The following ZHX3 variants were observed in gnomAD, a reference collection of about 807,000 sequenced individuals.
The protein encoded by ZHX3 is zinc fingers and homeoboxes protein 3.
ZHX3 carries 20 observed loss-of-function variants against 64.5 expected under a neutral mutation model. That is an observed-to-expected ratio of 0.31 (90% CI 0.22 to 0.45). ZHX3 has a LOEUF of 0.45. Ranked by LOEUF, ZHX3 falls within the 20% of genes least tolerant of loss-of-function variation. The probability of loss-of-function intolerance (pLI) is 1.00; values close to 1 mark genes in which losing one functional copy is unlikely to be tolerated. For missense variants in ZHX3, 1,041 were observed against 1,195.8 expected (o/e 0.87, Z 1.91); for synonymous variants, 423 against 461.6 (o/e 0.92, Z 1.07).
chr20:41,288,115 C>T (rs1160490490), intron 1 of ZHX3, among the ~76,000 whole-genome samples: 2 of 152,198 alleles, frequency 1.3e-5, no homozygotes, highest in African/African-American at 2.4e-5. Context: ...CAACCTCCAC[C>T]TTCTGGGCTC....
intron 2 of ZHX3, among the ~76,000 whole-genome samples, chr20:41,241,288 C>T (rs752697035): frequency 4.3e-4 from 65 of 152,098 alleles, no homozygotes; most frequent in Non-Finnish European, 6.8e-4. Context: ...TTCCTATGCC[C>T]GTTTGCCATT....
At chr20:41,265,607 T>TA (rs1193383660) in intron 2 of ZHX3, among the ~76,000 whole-genome samples, 2 of 152,124 alleles carry the variant, frequency 1.3e-5, no homozygotes, top group Non-Finnish European at 2.9e-5. Context: ...TGCAGCTTTT[T>TA]AAATGTTGAT....
intron 2 of ZHX3, among the ~76,000 whole-genome samples, chr20:41,205,891 C>T (rs1048774650): frequency 6.6e-6 from 1 of 152,230 alleles, no homozygotes; most frequent in Non-Finnish European, 1.5e-5. Flanking sequence ...TGGGAGGCAC[C>T]TCCCAGTAGG....
At chr20:41,218,552 A>T (rs946747103) in intron 2 of ZHX3, among the ~76,000 whole-genome samples, 1 of 152,156 alleles carries the variant, frequency 6.6e-6, no homozygotes, top group Non-Finnish European at 1.5e-5. Context: ...TGTATTGCTT[A>T]CTCTTATGTA....
chr20:41,251,440 A>G (rs1297643192), intron 2 of ZHX3, among the ~76,000 whole-genome samples: 1 of 152,216 alleles, frequency 6.6e-6, no homozygotes, highest in African/African-American at 2.4e-5. Flanking sequence ...AAATAATACA[A>G]AGAAATACAC....
chr20:41,186,132 T>C (rs1008332640), intron 3 of ZHX3, among the ~76,000 whole-genome samples: 2 of 152,222 alleles, frequency 1.3e-5, no homozygotes, highest in African/African-American at 4.8e-5. Context: ...ACAGAAATTA[T>C]ATATCCATTA....
intron 3 of ZHX3, among the ~76,000 whole-genome samples, chr20:41,192,021 G>A (rs1318913269): frequency 6.6e-6 from 1 of 152,150 alleles, no homozygotes; most frequent in Non-Finnish European, 1.5e-5. Flanking sequence ...CAGTTCCCAG[G>A]CATGTGATCA....
Position 41,192,067 on chromosome 20 carries a change from G to C in ZHX3, c.2861-6866C>G, listed in dbSNP as rs574671471. On this transcript the variant is annotated intron_variant, in intron 3 of 3. Transcript: ENST00000683867. The stretch of plus-strand genomic sequence containing the variant: ...CCCCTGGGCAGCTGGCGTGGCATGG[G>C]AGATGGCAGTGACAGTGTTGAAATG... Among the ~76,000 whole-genome samples, 3 of 152,304 alleles carry C rather than the reference G, an allele frequency of 2.0e-5. No homozygotes were observed. The South Asian group carries it at 6.2e-4, about 32-fold the overall frequency.
chr20:41,316,269 G>C (rs562383144), intron 1 of ZHX3, among the ~76,000 whole-genome samples: 4 of 152,092 alleles, frequency 2.6e-5, no homozygotes, highest in Non-Finnish European at 5.9e-5. Flanking sequence ...CATTTTCTAT[G>C]TGTCTTTGAT....
At position 41,201,274 on chromosome 20, in the gene ZHX3, C is replaced by T. The variant is rs1038947581; in HGVS notation, c.2860+783G>A. On this transcript the variant is annotated intron_variant, in intron 3 of 3. Coordinates refer to ENST00000683867, the MANE Select transcript of ZHX3 (RefSeq NM_001384317.1). This position sits in a 1 kb window ranked among gnomAD's most constrained non-coding sequence, Gnocchi z 5.0. ...TTCAGCTTCTACAATACTCCGCCCT[C>T]CTGGCTCTCACCTGAGCTTCTGGCT... is the stretch of plus-strand genomic sequence containing the variant. 8.5e-6 allele frequency: 11 copies of T among 1,297,222 alleles called. No individual in the cohort carries two copies. Among genetic ancestry groups the T allele is most frequent in the Non-Finnish European group, 1.0e-5 (10 of 986,702 alleles). The allele number at this position is 1,297,222 out of a possible 1,614,324, so 80.4% of individuals were successfully genotyped here. A position where few individuals can be genotyped will look rare whatever the true frequency, so the allele number is the denominator to read the frequency against.
In ZHX3 at chr20:41,289,697, CT is replaced by C. The variant is rs11477086; in HGVS notation, c.-244-20615del. Reference sequence around the variant, plus strand: ...TTAACAATGTTATTTAAGACTGTCACTTTTTTTTTTTTAACATAATCCAAGG... The same window carrying C: ...TTAACAATGTTATTTAAGACTGTCACTTTTTTTTTTTAACATAATCCAAGG... On this transcript the variant is annotated intron_variant, in intron 1 of 3. Coordinates refer to ENST00000683867, the MANE Select transcript of ZHX3 (RefSeq NM_001384317.1). Among the ~76,000 whole-genome samples, 1,370 of 143,928 alleles carry C rather than the reference CT, an allele frequency of 9.5e-3. 16 individuals carry two copies. The highest frequency in any genetic ancestry group is 0.028 in the East Asian group (140 of 4,974). The allele number at this position is 143,928 out of a possible 152,430, so 94.4% of individuals were successfully genotyped here. A position where few individuals can be genotyped will look rare whatever the true frequency, so the allele number is the denominator to read the frequency against.
chr20:41,311,259 AATAGCTAAC>A (rs1166942895), intron 1 of ZHX3, among the ~76,000 whole-genome samples: 1 of 152,130 alleles, frequency 6.6e-6, no homozygotes, highest in Non-Finnish European at 1.5e-5. Flanking sequence ...TTATAATAGT[AATAGCTAAC>A]ATTGATAGTT....
At chr20:41,312,091 G>A (rs1336836967) in intron 1 of ZHX3, among the ~76,000 whole-genome samples, 4 of 152,192 alleles carry the variant, frequency 2.6e-5, no homozygotes, top group African/African-American at 9.7e-5. Context: ...TTCCTGGGTC[G>A]AGTGGGGACT....
intron 2 of ZHX3, among the ~76,000 whole-genome samples, chr20:41,256,179 G>A (rs1044458507): frequency 2.6e-5 from 4 of 152,156 alleles, no homozygotes; most frequent in African/African-American, 9.7e-5. Flanking sequence ...ACCTTTGAGT[G>A]AGGTAGGTGT....
rs1453752145 is a variant in ZHX3 at position 41,200,371 on chromosome 20, C to T, written c.2860+1686G>A. On this transcript the variant is annotated intron_variant, in intron 3 of 3. Transcript: ENST00000683867. This position sits in a 1 kb window ranked among gnomAD's most constrained non-coding sequence, Gnocchi z 4.2. ...GACACCCTGGCCTACTGGTATATTA[C>T]AAGAAGCACAGAGCTGGGTATAATA... Among the ~76,000 whole-genome samples, 1 of 152,176 alleles carries T rather than the reference C, an allele frequency of 6.6e-6. No homozygotes were observed. The highest frequency in any genetic ancestry group is 1.5e-5 in the Non-Finnish European group (1 of 68,032).
chr20:41,221,929 T>C (rs1257866711), intron 2 of ZHX3, among the ~76,000 whole-genome samples: 16 of 151,996 alleles, frequency 1.1e-4, no homozygotes, highest in Non-Finnish European at 1.5e-5. Context: ...GAGGCTGTGG[T>C]AGGGGGCAGG....
Position 41,203,709 on chromosome 20 carries a change from T to C in ZHX3, c.1208A>G (p.Gln403Arg), listed in dbSNP as rs749937340. ...TGGAAGAGCGGCCTGGATGAGATGC[T>C]GGACATTGCCAGCACTGGCGACGAG... Reference protein sequence around the residue: ...TPLVASAGNVQHLIQAALPGH... With the variant: ...TPLVASAGNVRHLIQAALPGH... The change falls in exon 3 of 4, where the codon CAG becomes CGG. Residue 403 changes from glutamine to arginine, a missense_variant. Physicochemically the swap from Gln to Arg is conservative, Grantham distance 43 (BLOSUM62 1). Coordinates refer to ENST00000683867, the MANE Select transcript of ZHX3 (RefSeq NM_001384317.1). This position sits in a 1 kb window ranked among gnomAD's most constrained non-coding sequence, Gnocchi z 7.1. 4 of 1,614,176 alleles carry C rather than the reference T, an allele frequency of 2.5e-6. No individual in the cohort carries two copies. Among genetic ancestry groups the C allele is most frequent in the Non-Finnish European group, 3.4e-6 (4 of 1,180,008 alleles).
intron 1 of ZHX3, among the ~76,000 whole-genome samples, chr20:41,302,701 C>A (rs1051205456): frequency 6.6e-6 from 1 of 152,254 alleles, no homozygotes; most frequent in Non-Finnish European, 1.5e-5. Context: ...ATCATGCCCT[C>A]TCACTCTCTT....
At chr20:41,297,976 C>G (rs1012872160) in intron 1 of ZHX3, among the ~76,000 whole-genome samples, 2 of 152,174 alleles carry the variant, frequency 1.3e-5, no homozygotes, top group African/African-American at 4.8e-5. Context: ...TCTATTGAGT[C>G]TAAAGATATA....
Sources: gnomAD v4.1 joint callset for allele counts (sites outside exome capture counted in the v4.1 genomes callset) on GRCh38, gnomAD v4.1.1 for gene constraint, Gnocchi (gnomAD v3.1) non-coding constraint, MANE v1.5 for transcripts, NCBI Gene and HGNC (gene_info 2026-07-23, HGNC 2026-07-21) for gene names.